PTGER3: variants seen among roughly 807,000 people sequenced by gnomAD.
The protein encoded by PTGER3 is prostaglandin E2 receptor EP3 subtype.
Under a neutral mutation model 34.7 loss-of-function variants are expected in PTGER3, and 22 were observed. The observed-to-expected ratio is 0.63, with a 90% CI of 0.45 to 0.91. PTGER3 has a LOEUF of 0.91. PTGER3 is among the 40% of genes least tolerant of loss of function. The pLI, the probability that PTGER3 is intolerant of heterozygous loss-of-function variation, is 0.00. For synonymous variants in PTGER3, 241 were observed against 230.1 expected, an observed-to-expected ratio of 1.05 and a Z score of -0.43; for missense variants, 468 against 519.4, an observed-to-expected ratio of 0.90 and a Z score of 0.96.
At chr1:70,941,554 C>G (rs755683364) in intron 4 of PTGER3, among the ~76,000 whole-genome samples, 4 of 152,156 alleles carry the variant, frequency 2.6e-5, no homozygotes, top group Non-Finnish European at 4.4e-5. Flanking sequence ...TGATATTCCA[C>G]AGATATCTCA....
chr1:71,009,905 A>C (rs1436663578), intron 2 of PTGER3: 1 of 985,206 alleles, frequency 1.0e-6, no homozygotes, highest in Non-Finnish European at 1.2e-6. Context: ...ATCTAACCTC[A>C]ACCATCATGA....
intron 4 of PTGER3, among the ~76,000 whole-genome samples, chr1:70,924,608 T>C (rs1337953363): frequency 6.6e-6 from 1 of 152,188 alleles, no homozygotes; most frequent in African/African-American, 2.4e-5. Flanking sequence ...TGGAAAGCCT[T>C]CTAATTTTGT....
intron 4 of PTGER3, among the ~76,000 whole-genome samples, chr1:70,872,983 C>A (rs1646194920): frequency 6.6e-6 from 1 of 152,088 alleles, no homozygotes; most frequent in Non-Finnish European, 1.5e-5. Context: ...TGACTTTGAC[C>A]CTCTTTTTGG....
At chr1:70,976,406 C>T (rs1438048425) in intron 2 of PTGER3, among the ~76,000 whole-genome samples, 1 of 152,058 alleles carries the variant, frequency 6.6e-6, no homozygotes, top group Non-Finnish European at 1.5e-5. Flanking sequence ...TGGTAGGGGA[C>T]ATTGATAATG....
Position 70,872,197 on chromosome 1 carries a change from C to G in PTGER3, c.*24-19338G>C, listed in dbSNP as rs1040908338. On this transcript the variant is annotated intron_variant, in intron 4 of 4. Coordinates refer to the PTGER3 transcript ENST00000370931. ...CGTTGATCTGAATGGGCACGGGCCT[C>G]TGCTGAGAAAGTTGTGGGAGATGGT... Among the ~76,000 whole-genome samples, 12 of 152,278 alleles carry G rather than the reference C, an allele frequency of 7.9e-5. 1 individual carries two copies. In the South Asian group the frequency reaches 2.5e-3, roughly 32 times the overall value.
At chr1:71,044,514 TTAA>T (rs911014008) in intron 1 of PTGER3, among the ~76,000 whole-genome samples, 25 of 152,050 alleles carry the variant, frequency 1.6e-4, no homozygotes, top group African/African-American at 5.5e-4. Context: ...TATAATTGAA[TTAA>T]TAAAGTACCC....
intron 1 of PTGER3, among the ~76,000 whole-genome samples, chr1:71,046,294 A>AAAC (rs1660797660): frequency 6.6e-6 from 1 of 151,200 alleles, no homozygotes; most frequent in African/African-American, 2.4e-5. Context: ...TCAAAAAAAA[A>AAAC]AAAAAAAAAA....
At chr1:70,968,240 T>C (rs150744617), downstream of PTGER3, among the ~76,000 whole-genome samples, 1 of 152,344 alleles carries the variant, frequency 6.6e-6, no homozygotes, top group East Asian at 1.9e-4. Context: ...GTACGTGGAA[T>C]ATATTATATG....
Position 71,007,291 on chromosome 1 carries a change from G to C in PTGER3, c.1077+5014C>G, listed in dbSNP as rs529035810. Reference sequence around the variant, plus strand: ...AAATAATCAGTGCCTATTTTAATTGGTTTGCTTAAACAGGCTTACACTATT... The same window carrying C: ...AAATAATCAGTGCCTATTTTAATTGCTTTGCTTAAACAGGCTTACACTATT... On this transcript the variant is annotated intron_variant, in intron 2 of 3. Transcript: ENST00000306666. 3.6e-4 allele frequency: 351 copies of C among 985,576 alleles called. 1 individual carries two copies. In the African/African-American group the frequency reaches 5.7e-3, roughly 16 times the overall value. 61.1% of individuals were successfully genotyped at this position (985,576 alleles called of 1,614,324 possible).
intron 1 of PTGER3, among the ~76,000 whole-genome samples, chr1:71,036,399 G>A (rs1659826088): frequency 6.6e-6 from 1 of 152,138 alleles, no homozygotes; most frequent in Admixed American, 6.5e-5. Context: ...ACAACTAATA[G>A]TACAACTATG....
At chr1:71,014,265 T>C in intron 1 of PTGER3, among the ~76,000 whole-genome samples, 1 of 152,128 alleles carries the variant, frequency 6.6e-6, no homozygotes, top group East Asian at 1.9e-4. Flanking sequence ...ATCCAAAACA[T>C]CCCTAACCAC....
chr1:70,930,389 C>A (rs1403059029), intron 4 of PTGER3, among the ~76,000 whole-genome samples: 5 of 152,170 alleles, frequency 3.3e-5, no homozygotes, highest in East Asian at 1.9e-4. Context: ...ATATCTAAAT[C>A]ATAATTGACA....
In PTGER3 at chr1:71,047,627, G is replaced by T; in HGVS notation, c.-50C>A. 1 of 1,459,984 alleles carries T rather than the reference G, an allele frequency of 6.8e-7. No individual in the cohort carries two copies. The highest frequency in any genetic ancestry group is 9.1e-7 in the Non-Finnish European group (1 of 1,103,310). The allele number at this position is 1,459,984 out of a possible 1,614,324, so 90.4% of individuals were successfully genotyped here. Reference sequence around the variant, plus strand: ...TGGCGTCCAGAGAGCCGCAGCGGGAGGGGGCAGACGCGGCGCGGGCGGCGG... The same window carrying T: ...TGGCGTCCAGAGAGCCGCAGCGGGATGGGGCAGACGCGGCGCGGGCGGCGG... On this transcript the variant is annotated 5_prime_UTR_variant, in exon 1 of 4. Transcript: ENST00000306666.
At chr1:71,021,750 T>C (rs371753922) in intron 1 of PTGER3, among the ~76,000 whole-genome samples, 1 of 151,730 alleles carries the variant, frequency 6.6e-6, no homozygotes, top group African/African-American at 2.4e-5. Flanking sequence ...AGGAAAAAAA[T>C]CAGAGATGTG....
intron 4 of PTGER3, among the ~76,000 whole-genome samples, chr1:70,933,818 G>GT (rs757779629): frequency 6.6e-6 from 1 of 152,088 alleles, no homozygotes; most frequent in African/African-American, 2.4e-5. Flanking sequence ...GGTAATGGAA[G>GT]TTTTTTTTAA....
At chr1:70,936,880 C>T (rs192557866) in intron 4 of PTGER3, among the ~76,000 whole-genome samples, 15 of 151,916 alleles carry the variant, frequency 9.9e-5, no homozygotes, top group Admixed American at 2.6e-4. Context: ...TCATCAGTTT[C>T]CTAGGAAAGT....
intron 2 of PTGER3, among the ~76,000 whole-genome samples, chr1:71,000,668 T>C (rs1418593744): frequency 2.0e-5 from 3 of 151,978 alleles, no homozygotes; most frequent in African/African-American, 7.3e-5. Context: ...ACTCCCAAAG[T>C]GGGTAAAGAT....
intron 2 of PTGER3, among the ~76,000 whole-genome samples, chr1:70,954,438 A>G (rs1651101167): frequency 6.6e-6 from 1 of 152,130 alleles, no homozygotes; most frequent in Non-Finnish European, 1.5e-5. Context: ...GACTGGCAGT[A>G]CTAGTGCTGT....
intron 4 of PTGER3, among the ~76,000 whole-genome samples, chr1:70,940,437 C>A (rs1226883619): frequency 6.6e-6 from 1 of 152,130 alleles, no homozygotes; most frequent in African/African-American, 2.4e-5. Flanking sequence ...ATGCCCCACT[C>A]TACTGGTACC....
Sources: allele counts gnomAD v4.1 joint callset (sites outside exome capture counted in the v4.1 genomes callset), GRCh38; gene constraint gnomAD v4.1.1; transcripts MANE v1.5; gene names NCBI Gene and HGNC (gene_info 2026-07-23, HGNC 2026-07-21).